Variants in MRTFB observed in about 807,000 individuals in gnomAD.
MRTFB encodes the protein myocardin related transcription factor B.
MRTFB carries 29 observed loss-of-function variants against 104.2 expected under a neutral mutation model. That is an observed-to-expected ratio of 0.28 (90% CI 0.21 to 0.38). The LOEUF is 0.38. Among genes scored for constraint, MRTFB ranks in the 10% least tolerant of loss-of-function variants. The pLI is 1.00. For missense variants in MRTFB, 1,270 were observed against 1,341.6 expected (o/e 0.95, Z 0.83); for synonymous variants, 535 against 519.5 (o/e 1.03, Z -0.41).
the MRTFB span, among the ~76,000 whole-genome samples, chr16:14,023,322 G>T: frequency 6.6e-6 from 1 of 152,076 alleles, no homozygotes; most frequent in Admixed American, 6.6e-5. Flanking sequence ...GTGTGTGCCT[G>T]TAGTCCCAGC....
At chr16:14,045,807 C>A in the MRTFB span, among the ~76,000 whole-genome samples, 1 of 152,168 alleles carries the variant, frequency 6.6e-6, no homozygotes. Context: ...TGCTAATAGT[C>A]AAATTGCGGT....
the MRTFB span, chr16:14,019,196 C>A: frequency 6.6e-6 from 1 of 152,268 alleles, no homozygotes; most frequent in Non-Finnish European, 1.5e-5. Context: ...ACTGGTGCCA[C>A]TCCCATTTCC....
intron 9 of MRTFB, 63 bp downstream of exon 9, chr16:14,234,346 T>A: frequency 1.3e-6 from 2 of 1,527,016 alleles, no homozygotes; most frequent in African/African-American, 2.8e-5. Context: ...TATAACCCTG[T>A]GAATGGAAGA....
chr16:14,159,234 A>G (rs1452271563), intron 3 of MRTFB, among the ~76,000 whole-genome samples: 1 of 152,284 alleles, frequency 6.6e-6, no homozygotes, highest in South Asian at 2.1e-4. Flanking sequence ...TTGCCATGCT[A>G]GGAAGAATTA....
chr16:14,011,502 A>G, the MRTFB span, among the ~76,000 whole-genome samples: 6 of 152,254 alleles, frequency 3.9e-5, no homozygotes, highest in Non-Finnish European at 7.3e-5. Flanking sequence ...TATTTGCTAC[A>G]GGATTTCTCA....
the MRTFB span, among the ~76,000 whole-genome samples, chr16:14,035,528 G>C: frequency 6.6e-6 from 1 of 152,050 alleles, no homozygotes; most frequent in Non-Finnish European, 1.5e-5. Flanking sequence ...AAACTAATAA[G>C]CTTAGATCAT....
At chr16:14,029,943 G>C in the MRTFB span, among the ~76,000 whole-genome samples, 273 of 151,982 alleles carry the variant, frequency 1.8e-3, 1 homozygote, top group Non-Finnish European at 3.3e-3. Flanking sequence ...TCAGGGCTGA[G>C]ATAACATCCT....
the MRTFB span, among the ~76,000 whole-genome samples, chr16:14,049,834 G>A: frequency 6.6e-6 from 1 of 152,228 alleles, no homozygotes; most frequent in East Asian, 1.9e-4. Context: ...CCCAGTTCAA[G>A]TGATTCTCCT....
At chr16:13,998,250 C>A in the MRTFB span, among the ~76,000 whole-genome samples, 2 of 152,248 alleles carry the variant, frequency 1.3e-5, no homozygotes, top group Admixed American at 1.3e-4. Flanking sequence ...GACACTTCAA[C>A]CTGAACTTAT....
the MRTFB span, among the ~76,000 whole-genome samples, chr16:14,039,433 T>C: frequency 0.022 from 3,407 of 152,218 alleles, 135 homozygotes; most frequent in African/African-American, 0.077. Flanking sequence ...GCCCTATTCA[T>C]TGTGGGAGGG....
chr16:14,116,155 G>A (rs1057269586), intron 2 of MRTFB, among the ~76,000 whole-genome samples: 3 of 151,830 alleles, frequency 2.0e-5, no homozygotes, highest in African/African-American at 7.3e-5. Flanking sequence ...CCCTTCAATA[G>A]CCACTCCTCA....
chr16:13,998,220 C>G, the MRTFB span, among the ~76,000 whole-genome samples: 3 of 152,116 alleles, frequency 2.0e-5, no homozygotes, highest in Admixed American at 6.5e-5. Flanking sequence ...GCAGAGGAAG[C>G]CTTTGGCAGG....
intron 3 of MRTFB, among the ~76,000 whole-genome samples, chr16:14,175,154 A>G (rs903969927): frequency 6.6e-6 from 1 of 151,942 alleles, no homozygotes; most frequent in African/African-American, 2.4e-5. Flanking sequence ...AAAAAAAAAC[A>G]TATTTATTGA....
chr16:14,118,915 G>T (rs374390654), intron 2 of MRTFB, among the ~76,000 whole-genome samples: 4 of 150,486 alleles, frequency 2.7e-5, no homozygotes, highest in Admixed American at 1.3e-4. Flanking sequence ...ATGTAGATGT[G>T]TATAGCAGTA....
chr16:14,064,036 A>G, the MRTFB span, among the ~76,000 whole-genome samples: 1 of 152,204 alleles, frequency 6.6e-6, no homozygotes, highest in Non-Finnish European at 1.5e-5. Flanking sequence ...TTTTAAGTTC[A>G]TTGAGAAATT....
At chr16:14,178,540 T>A (rs893202825) in intron 3 of MRTFB, among the ~76,000 whole-genome samples, 2 of 150,392 alleles carry the variant, frequency 1.3e-5, no homozygotes, top group African/African-American at 2.5e-5. Flanking sequence ...AATAGGACAC[T>A]CAGTCAGATT....
chr16:13,996,592 G>A, the MRTFB span, among the ~76,000 whole-genome samples: 39 of 152,354 alleles, frequency 2.6e-4, no homozygotes, highest in African/African-American at 8.9e-4. Context: ...AAGAGATTGC[G>A]CCTTGCCCTT....
At chr16:14,240,614 G>A (rs541893493) in intron 10 of MRTFB, 130 bp downstream of exon 10, 14 of 1,469,780 alleles carry the variant, frequency 9.5e-6, no homozygotes, top group African/African-American at 2.8e-5. Flanking sequence ...TTTGTTATCA[G>A]AGCTTATCAC....
chr16:14,038,990 A>G, the MRTFB span, among the ~76,000 whole-genome samples: 1 of 152,156 alleles, frequency 6.6e-6, no homozygotes, highest in African/African-American at 2.4e-5. Flanking sequence ...ATTTGCTACC[A>G]CGAGAACAGT....
Sources: allele counts gnomAD v4.1 joint callset (sites outside exome capture counted in the v4.1 genomes callset), GRCh38; gene constraint gnomAD v4.1.1; transcripts MANE v1.5; gene names NCBI Gene and HGNC (gene_info 2026-07-23, HGNC 2026-07-21).